ACSF3: variants seen among roughly 807,000 people sequenced by gnomAD.
ACSF3 encodes acyl-CoA synthetase family member 3, also known as malonate--CoA ligase ACSF3, mitochondrial.
A neutral mutation model predicts 53.2 loss-of-function variants in ACSF3; 78 were observed. The observed-to-expected ratio is 1.47, with a 90% CI of 1.22 to 1.77. The LOEUF (loss-of-function observed/expected upper bound fraction) is 1.77, where lower values mean the gene tolerates loss of function less well. ACSF3 is among the 40% of genes most tolerant of loss of function. The pLI is 0.00. For synonymous variants in ACSF3, 414 were observed against 333.1 expected (o/e 1.24, Z -2.65); for missense variants, 937 against 771.1 (o/e 1.22, Z -2.55).
chr16:89,120,052 C>T, intron 6 of ACSF3, among the ~76,000 whole-genome samples: 1 of 152,248 alleles, frequency 6.6e-6, no homozygotes, highest in East Asian at 1.9e-4. Flanking sequence ...GGGCCGCACT[C>T]CATGAGCAGC....
At position 89,101,357 on chromosome 16, in the gene ACSF3, G is replaced by T. The variant is rs752914229; in HGVS notation, c.666+10G>T. 3 of 1,569,530 alleles carry T rather than the reference G, an allele frequency of 1.9e-6. No individual in the cohort carries two copies. The highest frequency in any genetic ancestry group is 2.6e-6 in the Non-Finnish European group (3 of 1,158,156). ...AAACATCAGGGCTGTGGTGAGTGCC[G>T]CCTGGCGCCGTGATGGTTTCGGTGA... On this transcript the variant is annotated intron_variant, in intron 3 of 10. Coordinates refer to ENST00000614302, the MANE Select transcript of ACSF3 (RefSeq NM_001243279.3).
At chr16:89,133,388 G>A (rs954854788) in intron 8 of ACSF3, 126 bp downstream of exon 8, 8 of 1,340,016 alleles carry the variant, frequency 6.0e-6, no homozygotes, top group Non-Finnish European at 8.3e-6. Context: ...AGAAGATGGG[G>A]TGGAGTGGGG....
At chr16:89,140,142 C>T (rs1271536777) in intron 8 of ACSF3, among the ~76,000 whole-genome samples, 2 of 152,242 alleles carry the variant, frequency 1.3e-5, no homozygotes, top group African/African-American at 2.4e-5. Context: ...CCAGTGTCCA[C>T]GGGCACCTGA....
intron 7 of ACSF3, among the ~76,000 whole-genome samples, chr16:89,123,876 C>T (rs1408582125): frequency 6.6e-6 from 1 of 152,208 alleles, no homozygotes; most frequent in Non-Finnish European, 1.5e-5. Context: ...TCCTACCACT[C>T]CCTCACATCC....
chr16:89,114,283 TG>T, intron 5 of ACSF3, 55 bp from the exon 6 acceptor site: 1 of 1,609,292 alleles, frequency 6.2e-7, no homozygotes, highest in Middle Eastern at 1.7e-4. Flanking sequence ...CTGCCACCTT[TG>T]CACGCGAGAG....
chr16:89,096,190 T>C (rs565097382), intron 1 of ACSF3, among the ~76,000 whole-genome samples: 160 of 152,052 alleles, frequency 1.1e-3, no homozygotes, highest in Middle Eastern at 6.8e-3. Flanking sequence ...GTGACGCCGC[T>C]GACCTCGGGT....
At chr16:89,095,351 C>T (rs143470613) in intron 1 of ACSF3, 1 of 152,154 alleles carries the variant, frequency 6.6e-6, no homozygotes, top group Non-Finnish European at 1.5e-5. Flanking sequence ...TATTTTTCTT[C>T]CTAAAATGGA....
At chr16:89,141,435 G>A (rs1911741406) in intron 8 of ACSF3, among the ~76,000 whole-genome samples, 1 of 152,234 alleles carries the variant, frequency 6.6e-6, no homozygotes, top group Admixed American at 6.5e-5. Flanking sequence ...TTGGGTGGGG[G>A]TGCCCAGGCC....
In ACSF3 at chr16:89,155,707, C is replaced by A; in HGVS notation, c.*1500C>A. On this transcript the variant is annotated 3_prime_UTR_variant, in exon 11 of 11. Transcript: ENST00000614302. ...GCCTTGCTGGTAGCTAAGGAAATGC[C>A]TTCTGTTGGGAAAAGGTCAAATTTA... is the stretch of plus-strand genomic sequence containing the variant. 1 of 454,138 alleles carries A rather than the reference C, an allele frequency of 2.2e-6. No homozygotes were observed. Among genetic ancestry groups the A allele is most frequent in the Non-Finnish European group, 4.4e-6 (1 of 226,796 alleles). The allele number at this position is 454,138 out of a possible 1,614,324, so 28.1% of individuals were successfully genotyped here.
At chr16:89,128,533 T>G (rs1567722245) in intron 7 of ACSF3, among the ~76,000 whole-genome samples, 1 of 152,206 alleles carries the variant, frequency 6.6e-6, no homozygotes, top group Admixed American at 6.5e-5. Flanking sequence ...GTGCTGAGAT[T>G]ACAGGCATGA....
chr16:89,141,613 C>T (rs764720866), intron 8 of ACSF3, among the ~76,000 whole-genome samples: 10 of 152,184 alleles, frequency 6.6e-5, no homozygotes, highest in Admixed American at 2.6e-4. Context: ...CATCCAGGCC[C>T]GGGAGACGCA....
rs751461445 is a variant in ACSF3, at chr16:89,100,747, G to T, written c.66G>T (p.Ala22=). ...LGCALASCRL[A]PARHRGSGLL... ...GCGCCTTGGCGTCCTGCCGGCTGGC[G>T]CCTGCGAGACACAGAGGAAGTGGTC... The change falls in exon 3 of 11, where the codon GCG becomes GCT. Residue 22 remains alanine, a synonymous_variant. Coordinates refer to ENST00000614302, the MANE Select transcript of ACSF3 (RefSeq NM_001243279.3). The T allele has an allele frequency of 6.2e-7, 1 of 1,606,438 alleles. No individual in the cohort carries two copies. Among genetic ancestry groups the T allele is most frequent in the East Asian group, 2.2e-5 (1 of 44,880 alleles).
Position 89,102,661 on chromosome 16 carries a change from C to T in ACSF3, c.724C>T (p.Leu242Phe), listed in dbSNP as rs758316386. ...CAAAGACGACGTGATCCTCCACGTG[C>T]TCCCGCTGCACCACGTCCATGGTGT... The part of the protein sequence containing the change: ...WTKDDVILHV[L>F]PLHHVHGVVN... The change falls in exon 4 of 11, where the codon CTC becomes TTC. Residue 242 changes from leucine (L) to phenylalanine (F), a missense_variant. Transcript: ENST00000614302. 5 of 1,613,954 alleles carry T rather than the reference C, an allele frequency of 3.1e-6. No homozygotes were observed. In the East Asian group the frequency reaches 1.1e-4, roughly 36 times the overall value.
intron 8 of ACSF3, among the ~76,000 whole-genome samples, chr16:89,136,342 G>A (rs1910459495): frequency 6.6e-6 from 1 of 152,154 alleles, no homozygotes; most frequent in Middle Eastern, 3.2e-3. Flanking sequence ...TAATTTCATT[G>A]TAATGTGCTG....
At position 89,155,810 on chromosome 16, in the gene ACSF3, TA is replaced by T. The variant is rs796892857; in HGVS notation, c.*1608del. ...CTTTAATCCTGAAACTTTTGATTCC[TA>T]AAAAGCTTACATAATCATTTGCTTT... On this transcript the variant is annotated 3_prime_UTR_variant, in exon 11 of 11. Transcript: ENST00000614302. The T allele has an allele frequency of 1.5e-4, 68 of 453,444 alleles. 1 individual carries two copies. Among genetic ancestry groups the T allele is most frequent in the African/African-American group, 1.2e-3 (58 of 50,004 alleles). The allele number at this position is 453,444 out of a possible 1,614,324, so 28.1% of individuals were successfully genotyped here. A position where few individuals can be genotyped will look rare whatever the true frequency, so the allele number is the denominator to read the frequency against.
intron 10 of ACSF3, chr16:89,150,714 TCA>T (rs1441528322): frequency 3.1e-6 from 1 of 320,760 alleles, no homozygotes. Flanking sequence ...AGCCATGCGG[TCA>T]CAGCCCAGGA....
chr16:89,110,187 G>A (rs1276228166), intron 4 of ACSF3, among the ~76,000 whole-genome samples: 2 of 152,126 alleles, frequency 1.3e-5, no homozygotes, highest in African/African-American at 4.8e-5. Context: ...TATAGATTGT[G>A]CTTTTGGTAT....
At chr16:89,117,877 C>G (rs575270216) in intron 6 of ACSF3, among the ~76,000 whole-genome samples, 1 of 108,348 alleles carries the variant, frequency 9.2e-6, no homozygotes, top group Admixed American at 1.1e-4. Context: ...CACCAATCCC[C>G]GAGTCTTCAG....
At chr16:89,112,410 G>GTCTC (rs141059120) in intron 5 of ACSF3, among the ~76,000 whole-genome samples, 164 bp downstream of exon 5, 4 of 150,336 alleles carry the variant, frequency 2.7e-5, no homozygotes, top group Non-Finnish European at 5.9e-5. Context: ...CTCTCTAACT[G>GTCTC]TCTCTCTCTC....
Sources: allele counts gnomAD v4.1 joint callset (sites outside exome capture counted in the v4.1 genomes callset), GRCh38; gene constraint gnomAD v4.1.1; transcripts MANE v1.5; gene names NCBI Gene and HGNC (gene_info 2026-07-23, HGNC 2026-07-21).